KATNAL2: variants seen among roughly 807,000 people sequenced by gnomAD.
KATNAL2 encodes katanin p60 ATPase-containing subunit A-like 2.
KATNAL2 carries 52 observed loss-of-function variants against 76.3 expected under a neutral mutation model. That is an observed-to-expected ratio of 0.68 (90% CI 0.55 to 0.86). KATNAL2 has a LOEUF of 0.86. KATNAL2 is among the 40% of genes least tolerant of loss of function. The pLI, the probability that KATNAL2 is intolerant of heterozygous loss-of-function variation, is 0.00. For synonymous variants in KATNAL2, 243 were observed against 244.2 expected (o/e 1.00, Z 0.05); for missense variants, 660 against 668.9 (o/e 0.99, Z 0.15).
intron 6 of KATNAL2, among the ~76,000 whole-genome samples, chr18:47,056,013 A>G (rs1019532425): frequency 6.6e-6 from 1 of 152,252 alleles, no homozygotes; most frequent in African/African-American, 2.4e-5. Flanking sequence ...AAAATGAGAC[A>G]TGTCATGAGA....
rs1481245399 is a variant in KATNAL2 at position 47,099,369 on chromosome 18, G to A, written c.1338G>A (p.Glu446=). Residue 446 remains glutamate (E), a synonymous_variant, in exon 16 of 18, where the codon GAG becomes GAA. Transcript: ENST00000683218. ...LPPVSKSRAL[E]LHTELEYSVL... The stretch of plus-strand genomic sequence containing the variant: ...CTGTGAGCAAGAGCAGGGCCTTGGA[G>A]CTGCACACAGAGCTGGAGTACAGTG... The A allele has an allele frequency of 6.2e-7, 1 of 1,614,006 alleles. No individual in the cohort carries two copies. Among genetic ancestry groups the A allele is most frequent in the Non-Finnish European group, 8.5e-7 (1 of 1,179,932 alleles).
rs1220037714 is a variant in KATNAL2 at position 46,934,268 on chromosome 18, T to C, written c.-509-11789T>C. Among the ~76,000 whole-genome samples the C allele has an allele frequency of 3.9e-5, 6 of 152,182 alleles. No individual in the cohort carries two copies. In the East Asian group the frequency reaches 1.2e-3, roughly 29 times the overall value. On this transcript the variant is annotated intron_variant, in intron 1 of 17. Coordinates refer to ENST00000683218, the MANE Select transcript of KATNAL2 (RefSeq NM_001387690.1). ...AACTAGTTTACAGTCCCACCAACAG[T>C]GTCAAAGTGTTCCTATTGCTCCACA...
intron 15 of KATNAL2, among the ~76,000 whole-genome samples, chr18:47,097,118 C>CAAAAAAAA (rs58101085): frequency 0.053 from 3,759 of 70,474 alleles, 106 homozygotes; most frequent in Non-Finnish European, 0.091. Context: ...GACCCTGGCT[C>CAAAAAAAA]AAAAAAAAAA....
chr18:47,046,991 G>A (rs970737613), intron 4 of KATNAL2, among the ~76,000 whole-genome samples: 1 of 152,042 alleles, frequency 6.6e-6, no homozygotes, highest in Non-Finnish European at 1.5e-5. Flanking sequence ...CAAGGCTGGA[G>A]TGTAATCATG....
chr18:47,092,222 A>C (rs1410671905), intron 15 of KATNAL2, among the ~76,000 whole-genome samples: 1 of 152,148 alleles, frequency 6.6e-6, no homozygotes, highest in Non-Finnish European at 1.5e-5. Flanking sequence ...CTCCCGGCCG[A>C]GTGCAGTGGA....
chr18:47,066,845 G>GTT (rs1491197741), intron 10 of KATNAL2, among the ~76,000 whole-genome samples, 176 bp from the exon 11 acceptor site: 4 of 25,404 alleles, frequency 1.6e-4, no homozygotes, highest in African/African-American at 2.4e-4. Flanking sequence ...GTATATATGT[G>GTT]TTTATATATA....
intron 1 of KATNAL2, among the ~76,000 whole-genome samples, chr18:46,945,233 C>G (rs1258778282): frequency 6.6e-6 from 1 of 152,090 alleles, no homozygotes; most frequent in Non-Finnish European, 1.5e-5. Flanking sequence ...TTTTTGAAAA[C>G]CATATGTCAA....
intron 15 of KATNAL2, among the ~76,000 whole-genome samples, chr18:47,081,718 T>C (rs2062531977): frequency 6.6e-6 from 1 of 152,172 alleles, no homozygotes; most frequent in Admixed American, 6.5e-5. Flanking sequence ...TCCCCTACTG[T>C]TAGGTGTGGT....
At chr18:46,958,561 A>G (rs912187815) in intron 3 of KATNAL2, among the ~76,000 whole-genome samples, 15 of 152,196 alleles carry the variant, frequency 9.9e-5, no homozygotes, top group African/African-American at 2.7e-4. Context: ...ACAAGCTTCT[A>G]TGTTTTATTT....
At chr18:46,920,768 A>G (rs1394923219) in intron 1 of KATNAL2, among the ~76,000 whole-genome samples, 1 of 152,154 alleles carries the variant, frequency 6.6e-6, no homozygotes, top group Non-Finnish European at 1.5e-5. Context: ...ATATATCCTC[A>G]TTAAAAAGAA....
At chr18:46,941,974 G>A (rs1310140463) in intron 1 of KATNAL2, among the ~76,000 whole-genome samples, 2 of 152,118 alleles carry the variant, frequency 1.3e-5, no homozygotes, top group African/African-American at 2.4e-5. Context: ...GGGTTACAGG[G>A]CACAGGCTAA....
intron 1 of KATNAL2, among the ~76,000 whole-genome samples, chr18:46,932,102 A>G (rs1235490646): frequency 1.3e-4 from 20 of 151,896 alleles, no homozygotes; most frequent in Non-Finnish European, 2.5e-4. Flanking sequence ...TAGTAGAGAC[A>G]GGGTTTCACT....
intron 5 of KATNAL2, 68 bp from the exon 6 acceptor site, chr18:47,054,328 C>A: frequency 1.5e-6 from 2 of 1,378,212 alleles, no homozygotes; most frequent in South Asian, 1.2e-5. Flanking sequence ...GGGAAACATA[C>A]CTGAAAAAAA....
At chr18:47,085,603 C>A (rs927847519) in intron 15 of KATNAL2, among the ~76,000 whole-genome samples, 1 of 152,130 alleles carries the variant, frequency 6.6e-6, no homozygotes, top group African/African-American at 2.4e-5. Flanking sequence ...CGTGAACCCA[C>A]CAACTAGTCC....
chr18:47,100,417 C>A, intron 17 of KATNAL2, 61 bp downstream of exon 17: 1 of 1,356,076 alleles, frequency 7.4e-7, no homozygotes, highest in Non-Finnish European at 1.0e-6. Context: ...CTCTCACCAG[C>A]AGATGGAGCC....
intron 1 of KATNAL2, among the ~76,000 whole-genome samples, chr18:46,919,005 ATATGTGTGTGTG>A (rs1437216342): frequency 6.8e-6 from 1 of 147,180 alleles, no homozygotes; most frequent in Non-Finnish European, 1.5e-5. Flanking sequence ...GTATATATAT[ATATGTGTGTGTG>A]TGTGTGTGTG....
chr18:47,050,599 C>G (rs192002876), intron 4 of KATNAL2, among the ~76,000 whole-genome samples: 7 of 152,232 alleles, frequency 4.6e-5, no homozygotes, highest in Admixed American at 4.6e-4. Context: ...TATCGTGAAT[C>G]AATGAAAGTT....
Position 47,046,490 on chromosome 18 carries a change from C to A in KATNAL2, c.85C>A (p.Leu29Ile). Residue 29 changes from leucine (L) to isoleucine (I), a missense_variant, in exon 4 of 18, where the codon CTT (leucine) becomes ATT (isoleucine). Transcript: ENST00000683218. ...GAGGACAGAAGCACGACGAAAAAAT[C>A]TTCTCATTTTGATTTCGCATTATTT... ...EMRTEARRKNLLILISHYLTQ... is the reference protein window; with the variant it reads ...EMRTEARRKNILILISHYLTQ... The A allele has an allele frequency of 6.5e-7, 1 of 1,535,984 alleles. No individual in the cohort carries two copies.
At chr18:46,965,582 C>CCG (rs1569032292) in intron 3 of KATNAL2, among the ~76,000 whole-genome samples, 9 of 13,842 alleles carry the variant, frequency 6.5e-4, no homozygotes, top group East Asian at 5.9e-3. Flanking sequence ...AGCATCCCCG[C>CCG]CCCCCCCCCC....
Sources: gnomAD v4.1 joint callset for allele counts (sites outside exome capture counted in the v4.1 genomes callset) on GRCh38, gnomAD v4.1.1 for gene constraint, MANE v1.5 for transcripts, NCBI Gene and HGNC (gene_info 2026-07-23, HGNC 2026-07-21) for gene names.